The following ESRRG variants were observed in gnomAD, a reference collection of about 807,000 sequenced individuals.
The protein encoded by ESRRG is estrogen related receptor gamma, also known as estrogen-related receptor gamma.
ESRRG carries 13 observed loss-of-function variants against 44.0 expected under a neutral mutation model. That is an observed-to-expected ratio of 0.30 (90% CI 0.19 to 0.47). The LOEUF (loss-of-function observed/expected upper bound fraction) is 0.47, where lower values mean the gene tolerates loss of function less well. Among genes scored for constraint, ESRRG ranks in the 20% least tolerant of loss-of-function variants. The probability of loss-of-function intolerance (pLI) is 1.00; values close to 1 mark genes in which losing one functional copy is unlikely to be tolerated. For synonymous variants in ESRRG, 215 were observed against 214.6 expected (o/e 1.00, Z -0.02); for missense variants, 395 against 580.6 (o/e 0.68, Z 3.29).
intron 1 of ESRRG, among the ~76,000 whole-genome samples, chr1:217,079,755 A>G (rs545280544): frequency 6.6e-6 from 1 of 152,368 alleles, no homozygotes; most frequent in African/African-American, 2.4e-5. Context: ...GCATGCATTT[A>G]CAAACATTTA....
intron 1 of ESRRG, among the ~76,000 whole-genome samples, chr1:217,029,412 G>T (rs973987637): frequency 6.6e-6 from 1 of 152,192 alleles, no homozygotes; most frequent in Non-Finnish European, 1.5e-5. Context: ...CTGTTTGTGT[G>T]TTCAAAATTC....
At position 216,712,239 on chromosome 1, in the gene ESRRG, T is replaced by C. The variant is rs547981245; in HGVS notation, c.56+11005A>G. ...TACGTATTCAATGGAGTGTTTACTA[T>C]ATGGTCCCCCTTTGGTGAAGCCACT... On this transcript the variant is annotated intron_variant, in intron 1 of 6. Transcript: ENST00000408911. 2.6e-5 allele frequency among the ~76,000 whole-genome samples: 4 copies of C among 152,340 alleles called. No individual in the cohort carries two copies. The East Asian group carries it at 5.8e-4, about 22-fold the overall frequency.
chr1:216,542,108 G>GAGAT (rs750859079), intron 5 of ESRRG, among the ~76,000 whole-genome samples: 11 of 145,186 alleles, frequency 7.6e-5, no homozygotes, highest in Non-Finnish European at 1.5e-4. Context: ...GAGAGAGAGA[G>GAGAT]AGATAGAATG....
intron 2 of ESRRG, among the ~76,000 whole-genome samples, chr1:216,744,045 C>G (rs2091082170): frequency 6.6e-6 from 1 of 152,120 alleles, no homozygotes; most frequent in Non-Finnish European, 1.5e-5. Context: ...CTGCTGTATT[C>G]CTCTTTTTAT....
In ESRRG at chr1:216,588,129, C is replaced by A. The variant is rs574923450; in HGVS notation, c.590-20031G>T. Among the ~76,000 whole-genome samples the A allele has an allele frequency of 1.3e-4, 20 of 152,226 alleles. 1 individual carries two copies. Among genetic ancestry groups the A allele is most frequent in the Middle Eastern group, 3.4e-3 (1 of 294 alleles). On this transcript the variant is annotated intron_variant, in intron 3 of 6. Transcript: ENST00000408911. ...TGGATGCTCAACTAATTATGTGAAC[C>A]AATATCAATAAATAAGTGAAGTATA...
At chr1:216,671,356 G>A in intron 2 of ESRRG, among the ~76,000 whole-genome samples, 1 of 152,166 alleles carries the variant, frequency 6.6e-6, no homozygotes. Context: ...AGTGAGAAAT[G>A]GCTACAGGGA....
At chr1:217,008,036 A>T (rs907518033) in intron 1 of ESRRG, among the ~76,000 whole-genome samples, 1 of 152,212 alleles carries the variant, frequency 6.6e-6, no homozygotes, top group Non-Finnish European at 1.5e-5. Flanking sequence ...TTCATCTGCT[A>T]TGCTCAAATG....
intron 5 of ESRRG, among the ~76,000 whole-genome samples, chr1:216,527,018 G>C (rs1035217738): frequency 6.6e-6 from 1 of 152,162 alleles, no homozygotes; most frequent in Non-Finnish European, 1.5e-5. Context: ...CTAGTATTTA[G>C]AGTATCTATT....
At chr1:216,983,020 G>C (rs2074229749) in intron 1 of ESRRG, among the ~76,000 whole-genome samples, 1 of 133,674 alleles carries the variant, frequency 7.5e-6, no homozygotes, top group South Asian at 2.6e-4. Context: ...CTAGTTACGT[G>C]ACTTTGAACT....
At position 217,110,725 on chromosome 1, in the gene ESRRG, G is replaced by T. The variant is rs546348161; in HGVS notation, c.-230+26942C>A. ...ATCATAGGATAGCACCAACGCATGA[G>T]GGATCTGCCCCCAGGATCCAAACAC... On this transcript the variant is annotated intron_variant, in intron 1 of 8. Transcript: ENST00000366940. Among the ~76,000 whole-genome samples, 11 of 152,256 alleles carry T rather than the reference G, an allele frequency of 7.2e-5. No individual in the cohort carries two copies. The South Asian group carries it at 2.1e-3, about 29-fold the overall frequency.
chr1:216,614,503 A>G (rs1351772439), intron 3 of ESRRG, among the ~76,000 whole-genome samples: 1 of 152,220 alleles, frequency 6.6e-6, no homozygotes, highest in Non-Finnish European at 1.5e-5. Flanking sequence ...TTAAGTGCAT[A>G]CCATTAACAA....
At chr1:216,941,968 T>C (rs2065299690) in intron 1 of ESRRG, among the ~76,000 whole-genome samples, 1 of 152,098 alleles carries the variant, frequency 6.6e-6, no homozygotes, top group South Asian at 2.1e-4. Context: ...GCTACAAGAG[T>C]ATATTCTGCG....
chr1:216,771,911 T>C lies in ESRRG; in HGVS notation c.-13-94420A>G, dbSNP rs2093401061. Among the ~76,000 whole-genome samples, 4 of 151,336 alleles carry C rather than the reference T, an allele frequency of 2.6e-5. No individual in the cohort carries two copies. The South Asian group carries it at 8.4e-4, about 32-fold the overall frequency. On this transcript the variant is annotated intron_variant, in intron 2 of 7. Transcript: ENST00000359162. ...TGGTGAAAGTGACACTGCTGTAGTATATTATTCAGGGGCCTGAGTTCTGAT... is the reference window on the plus strand; with the variant it reads ...TGGTGAAAGTGACACTGCTGTAGTACATTATTCAGGGGCCTGAGTTCTGAT...
At chr1:217,133,078 A>C (rs2092987992) in intron 1 of ESRRG, among the ~76,000 whole-genome samples, 1 of 152,218 alleles carries the variant, frequency 6.6e-6, no homozygotes, top group South Asian at 2.1e-4. Context: ...TCTAGAGGTC[A>C]GGCCACAGAG....
intron 5 of ESRRG, among the ~76,000 whole-genome samples, chr1:216,519,832 G>T (rs9700586): frequency 0.1 from 11,229 of 107,274 alleles, 1,498 homozygotes; most frequent in African/African-American, 0.32. Flanking sequence ...AAAAAAAGAA[G>T]AAGAAGGAGA....
At chr1:216,688,845 T>C (rs560293252) in intron 1 of ESRRG, among the ~76,000 whole-genome samples, 6 of 152,308 alleles carry the variant, frequency 3.9e-5, no homozygotes, top group African/African-American at 1.4e-4. Context: ...GCTGAAATTG[T>C]ATTTTTGGTA....
intron 2 of ESRRG, among the ~76,000 whole-genome samples, chr1:216,901,183 AC>A (rs1243131054): frequency 6.6e-6 from 1 of 152,030 alleles, no homozygotes; most frequent in Non-Finnish European, 1.5e-5. Flanking sequence ...GGTGGGGGTG[AC>A]AGGATGGGTA....
At chr1:216,537,158 T>C (rs1045052183) in intron 5 of ESRRG, among the ~76,000 whole-genome samples, 1 of 152,018 alleles carries the variant, frequency 6.6e-6, no homozygotes, top group Non-Finnish European at 1.5e-5. Context: ...AGGAGGCGAT[T>C]AGGTCATGAA....
At chr1:216,812,867 A>G (rs1170610978) in intron 2 of ESRRG, among the ~76,000 whole-genome samples, 2 of 152,220 alleles carry the variant, frequency 1.3e-5, no homozygotes, top group Non-Finnish European at 2.9e-5. Flanking sequence ...ACATGAATTT[A>G]GGGTCTATTT....
Sources: gnomAD v4.1 joint callset for allele counts (sites outside exome capture counted in the v4.1 genomes callset) on GRCh38, gnomAD v4.1.1 for gene constraint, MANE v1.5 for transcripts, NCBI Gene and HGNC (gene_info 2026-07-23, HGNC 2026-07-21) for gene names.